HUNK: variants seen among roughly 807,000 people sequenced by gnomAD.
HUNK encodes hormonally up-regulated neu tumor-associated kinase.
In HUNK, 21 loss-of-function variants were observed where a neutral mutation model predicts 61.0. That is an observed-to-expected ratio of 0.34 (90% CI 0.24 to 0.50). The LOEUF (loss-of-function observed/expected upper bound fraction) is 0.50. Ranked by LOEUF, HUNK falls within the 20% of genes least tolerant of loss-of-function variation. The pLI, the probability that HUNK is intolerant of heterozygous loss-of-function variation, is 0.98. For missense variants in HUNK, 772 were observed against 945.7 expected, an observed-to-expected ratio of 0.82 and a Z score of 2.41; for synonymous variants, 371 against 386.1, an observed-to-expected ratio of 0.96 and a Z score of 0.46.
At chr21:31,965,155 G>A (rs774743818) in intron 5 of HUNK, among the ~76,000 whole-genome samples, 18 of 152,094 alleles carry the variant, frequency 1.2e-4, no homozygotes, top group Middle Eastern at 3.2e-3. Context: ...ATAGAACATG[G>A]ATGGAGCTGG....
chr21:31,977,431 A>G (rs1301824848), intron 7 of HUNK, among the ~76,000 whole-genome samples: 2 of 152,240 alleles, frequency 1.3e-5, no homozygotes, highest in Non-Finnish European at 2.9e-5. Context: ...TATAAAGTTC[A>G]TGATTTTGCT....
At chr21:31,965,628 T>A (rs1262765150) in intron 5 of HUNK, among the ~76,000 whole-genome samples, 1 of 145,600 alleles carries the variant, frequency 6.9e-6, no homozygotes, top group African/African-American at 2.6e-5. Flanking sequence ...TTGAGACGGA[T>A]TCTCTCTCTC....
chr21:31,885,925 A>G (rs1355629128), intron 1 of HUNK, among the ~76,000 whole-genome samples: 1 of 151,832 alleles, frequency 6.6e-6, no homozygotes, highest in Non-Finnish European at 1.5e-5. Context: ...AGTAAAGACC[A>G]TTTCACCACG....
At chr21:31,919,224 G>A (rs111797517) in intron 1 of HUNK, among the ~76,000 whole-genome samples, 8,288 of 136,798 alleles carry the variant, frequency 0.061, 876 homozygotes, top group African/African-American at 0.21. Context: ...GCTGGAATGA[G>A]TGGTATGAGG....
At chr21:31,938,022 A>G (rs1395498956) in intron 2 of HUNK, among the ~76,000 whole-genome samples, 1 of 152,220 alleles carries the variant, frequency 6.6e-6, no homozygotes, top group African/African-American at 2.4e-5. Context: ...CCCAGTTTGA[A>G]CATGGATCTT....
At chr21:31,933,869 T>G (rs965076107) in intron 2 of HUNK, among the ~76,000 whole-genome samples, 1 of 151,438 alleles carries the variant, frequency 6.6e-6, no homozygotes, top group Non-Finnish European at 1.5e-5. Context: ...TGAAGGAAGA[T>G]CCTCCCACTT....
intron 5 of HUNK, among the ~76,000 whole-genome samples, chr21:31,965,071 T>G (rs2052953811): frequency 6.6e-6 from 1 of 152,144 alleles, no homozygotes; most frequent in South Asian, 2.1e-4. Context: ...AAATGACTCT[T>G]CCAATGCAGG....
At chr21:31,890,491 A>G (rs1372168689) in intron 1 of HUNK, among the ~76,000 whole-genome samples, 1 of 152,172 alleles carries the variant, frequency 6.6e-6, no homozygotes, top group Non-Finnish European at 1.5e-5. Context: ...TGGCCTCCCA[A>G]AGTGCTGGGA....
chr21:31,873,729 GGCGGCGGCGCGGAGGACGCGGCCAGGCCC>G lies in HUNK; in HGVS notation c.64_92del (p.Ala22LeufsTer63). ...GGGGGAGCCGGCGGCGCCTGGGGGC[GGCGGCGGCGCGGAGGACGCGGCCAGGCCC>G]GCGGCGGCCTGCGAGGGAAGTTTCC... On this transcript the variant is annotated frameshift_variant, in exon 1 of 11. Coordinates refer to ENST00000270112, the MANE Select transcript of HUNK (RefSeq NM_014586.2). LOFTEE classifies it high-confidence loss of function. This position sits in a 1 kb window ranked among gnomAD's most constrained non-coding sequence, Gnocchi z 6.1. The G allele has an allele frequency of 2.4e-6, 3 of 1,232,948 alleles. No individual in the cohort carries two copies. The highest frequency in any genetic ancestry group is 3.0e-6 in the Non-Finnish European group (3 of 988,510). 76.4% of individuals were successfully genotyped at this position (1,232,948 alleles called of 1,614,324 possible).
intron 1 of HUNK, among the ~76,000 whole-genome samples, chr21:31,909,317 C>T (rs1164695171): frequency 6.6e-6 from 1 of 152,196 alleles, no homozygotes; most frequent in East Asian, 1.9e-4. Flanking sequence ...CAGCAGGATA[C>T]GTTTCCAGGG....
At chr21:31,990,816 G>A (rs2053167714) in intron 9 of HUNK, among the ~76,000 whole-genome samples, 1 of 152,064 alleles carries the variant, frequency 6.6e-6, no homozygotes, top group Non-Finnish European at 1.5e-5. Context: ...GATTATAGGT[G>A]TGAGCCACTG....
At chr21:31,907,947 G>C (rs564555233) in intron 1 of HUNK, among the ~76,000 whole-genome samples, 8 of 151,820 alleles carry the variant, frequency 5.3e-5, no homozygotes, top group African/African-American at 1.9e-4. Context: ...CTGAGATCGC[G>C]CCACTGCAAC....
At chr21:31,993,235 ACAC>A (rs1197362565) in intron 9 of HUNK, among the ~76,000 whole-genome samples, 1 of 152,150 alleles carries the variant, frequency 6.6e-6, no homozygotes, top group Non-Finnish European at 1.5e-5. Context: ...CACGCATTAC[ACAC>A]CACTAGGTAC....
intron 1 of HUNK, among the ~76,000 whole-genome samples, chr21:31,890,543 T>C (rs1481726267): frequency 6.6e-6 from 1 of 152,122 alleles, no homozygotes; most frequent in Admixed American, 6.6e-5. Flanking sequence ...AAATATTCTT[T>C]TAAAGTTTGA....
rs59408321 is a variant in HUNK at position 31,878,692 on chromosome 21, G to C, written c.261+4757G>C. On this transcript the variant is annotated intron_variant, in intron 1 of 10. Coordinates refer to ENST00000270112, the MANE Select transcript of HUNK (RefSeq NM_014586.2). ...GGTTCGTGATACCTACAAGAGGCATGGTCTCTGGCACATGACAGGTTATTG... is the reference window on the plus strand; with the variant it reads ...GGTTCGTGATACCTACAAGAGGCATCGTCTCTGGCACATGACAGGTTATTG... 7.3e-3 allele frequency among the ~76,000 whole-genome samples: 1,118 copies of C among 152,272 alleles called. 15 individuals carry two copies. Among genetic ancestry groups the C allele is most frequent in the African/African-American group, 0.025 (1,035 of 41,560 alleles).
At position 31,998,514 on chromosome 21, in the gene HUNK, C is replaced by T; in HGVS notation, c.1487-12C>T. The stretch of plus-strand genomic sequence containing the variant: ...ACGTCCTCATGATTGTTTATGCTTT[C>T]TTGGTGTGCAGATTCCTTTGGCTGC... On this transcript the variant is annotated splice_polypyrimidine_tract_variant and intron_variant, in intron 10 of 10. Transcript: ENST00000270112. 6.4e-7 allele frequency: 1 copy of T among 1,566,582 alleles called. No homozygotes were observed. Among genetic ancestry groups the T allele is most frequent in the Non-Finnish European group, 8.6e-7 (1 of 1,157,746 alleles).
chr21:31,979,402 C>T (rs1184282874), intron 7 of HUNK, among the ~76,000 whole-genome samples: 1 of 149,820 alleles, frequency 6.7e-6, no homozygotes, highest in African/African-American at 2.5e-5. Flanking sequence ...CAGGTGTGAG[C>T]CACCGCGCCC....
Position 31,924,908 on chromosome 21 carries a change from T to G in HUNK, c.554+148T>G. ...ATTTTAATTTTATTTATTTGTTTAT[T>G]TTTTTGAGACGGAGTTTTGTTCTTG... On this transcript the variant is annotated intron_variant, in intron 2 of 10. Transcript: ENST00000270112. This position sits in a 1 kb window ranked among gnomAD's most constrained non-coding sequence, Gnocchi z 5.1. The G allele has an allele frequency of 1.4e-6, 1 of 700,566 alleles. No homozygotes were observed. The highest frequency in any genetic ancestry group is 2.2e-6 in the Non-Finnish European group (1 of 461,014). 43.4% of individuals were successfully genotyped at this position (700,566 alleles called of 1,614,324 possible). A position where few individuals can be genotyped will look rare whatever the true frequency, so the allele number is the denominator to read the frequency against.
intron 6 of HUNK, chr21:31,974,334 G>T: frequency 8.2e-6 from 3 of 363,756 alleles, no homozygotes; most frequent in Non-Finnish European, 9.7e-6. Context: ...AAAAAAAAAT[G>T]CAAGGATGGC....
Sources: gnomAD v4.1 joint callset for allele counts (sites outside exome capture counted in the v4.1 genomes callset) on GRCh38, gnomAD v4.1.1 for gene constraint, Gnocchi (gnomAD v3.1) non-coding constraint, MANE v1.5 for transcripts, NCBI Gene and HGNC (gene_info 2026-07-23, HGNC 2026-07-21) for gene names.